The following TENM3 variants were observed in gnomAD, a reference collection of about 807,000 sequenced individuals.
TENM3 encodes teneurin-3.
In TENM3, 63 loss-of-function variants were observed where a neutral mutation model predicts 255.1. The ratio of observed to expected loss-of-function variants is 0.25; its 90% confidence interval spans 0.20 to 0.30. The LOEUF (loss-of-function observed/expected upper bound fraction) is 0.30, where lower values mean the gene tolerates loss of function less well. Among genes scored for constraint, TENM3 ranks in the 10% least tolerant of loss-of-function variants. The pLI, the probability that TENM3 is intolerant of heterozygous loss-of-function variation, is 1.00. For synonymous variants in TENM3, 1,306 were observed against 1,322.3 expected, an observed-to-expected ratio of 0.99 and a Z score of 0.27; for missense variants, 2,929 against 3,461.1, an observed-to-expected ratio of 0.85 and a Z score of 3.86.
chr4:182,763,942 C>T (rs1268059230), intron 22 of TENM3, among the ~76,000 whole-genome samples: 1 of 152,208 alleles, frequency 6.6e-6, no homozygotes, highest in African/African-American at 2.4e-5. Flanking sequence ...TCACCCCTTA[C>T]TAATTTAATA....
chr4:182,631,352 T>C (rs1751350793), intron 5 of TENM3: 1 of 152,236 alleles, frequency 6.6e-6, no homozygotes, highest in African/African-American at 2.4e-5. Flanking sequence ...CATACTTTTA[T>C]CACTTTAATT....
chr4:182,375,045 C>A (rs1311353315), intron 3 of TENM3, among the ~76,000 whole-genome samples: 4 of 152,048 alleles, frequency 2.6e-5, no homozygotes, highest in Non-Finnish European at 5.9e-5. Flanking sequence ...CCCTCTTAGC[C>A]ACTCTTTGCA....
At chr4:182,704,357 T>G (rs1758111129) in intron 12 of TENM3, among the ~76,000 whole-genome samples, 1 of 152,212 alleles carries the variant, frequency 6.6e-6, no homozygotes, top group Non-Finnish European at 1.5e-5. Flanking sequence ...CCACTGTTAC[T>G]TCCATTATGT....
the TENM3 span, among the ~76,000 whole-genome samples, chr4:181,569,747 G>T: frequency 6.6e-6 from 1 of 152,120 alleles, no homozygotes; most frequent in Non-Finnish European, 1.5e-5. Flanking sequence ...TAGATGTCAG[G>T]AACAATAAGA....
At chr4:182,471,910 C>T (rs907973527) in intron 3 of TENM3, among the ~76,000 whole-genome samples, 4 of 152,090 alleles carry the variant, frequency 2.6e-5, no homozygotes, top group Non-Finnish European at 5.9e-5. Context: ...GGTGTCATTT[C>T]ATTTTAGTGA....
At chr4:182,609,211 G>C (rs1053903621) in intron 4 of TENM3, among the ~76,000 whole-genome samples, 4 of 152,106 alleles carry the variant, frequency 2.6e-5, no homozygotes, top group Non-Finnish European at 5.9e-5. Flanking sequence ...TACCCACCTG[G>C]GCCTCCCAAA....
chr4:182,501,424 A>G (rs78829539), intron 3 of TENM3, among the ~76,000 whole-genome samples: 6,128 of 151,702 alleles, frequency 0.04, 239 homozygotes, highest in East Asian at 0.1. Flanking sequence ...TCTTAGGTAT[A>G]TTAACAGTGT....
chr4:182,484,642 ATAAAT>A (rs1226579296), intron 3 of TENM3, among the ~76,000 whole-genome samples: 3 of 152,190 alleles, frequency 2.0e-5, no homozygotes, highest in East Asian at 3.8e-4. Context: ...TTAATATTAA[ATAAAT>A]TAATGATAAA....
intron 3 of TENM3, among the ~76,000 whole-genome samples, chr4:182,494,618 G>A (rs1735591521): frequency 6.6e-6 from 1 of 152,130 alleles, no homozygotes; most frequent in Non-Finnish European, 1.5e-5. Flanking sequence ...TTGGAATCAT[G>A]CAGAATTGAT....
the TENM3 span, among the ~76,000 whole-genome samples, chr4:182,066,155 C>T: frequency 6.6e-6 from 1 of 152,178 alleles, no homozygotes; most frequent in African/African-American, 2.4e-5. Context: ...CACACCAACA[C>T]TTTTTCCCCA....
intron 3 of TENM3, among the ~76,000 whole-genome samples, chr4:182,362,104 G>C (rs751342035): frequency 1.3e-5 from 2 of 152,154 alleles, no homozygotes; most frequent in African/African-American, 4.8e-5. Context: ...GTACCCGGCC[G>C]TTTGAGGTGT....
the TENM3 span, among the ~76,000 whole-genome samples, chr4:181,543,754 T>G: frequency 1.3e-5 from 2 of 152,342 alleles, no homozygotes; most frequent in South Asian, 4.1e-4. Context: ...TTTTAGTGTT[T>G]CGTATTAGGC....
intron 3 of TENM3, among the ~76,000 whole-genome samples, chr4:182,388,127 G>A (rs1266469257): frequency 6.6e-6 from 1 of 152,062 alleles, no homozygotes. Context: ...GGCATCTGGG[G>A]TTGCTCTTTC....
At chr4:181,953,784 C>T in the TENM3 span, among the ~76,000 whole-genome samples, 1 of 152,092 alleles carries the variant, frequency 6.6e-6, no homozygotes, top group African/African-American at 2.4e-5. Flanking sequence ...GTTTTATTGA[C>T]ATTCAGGTAT....
At chr4:181,493,296 TAA>T in the TENM3 span, among the ~76,000 whole-genome samples, 4,111 of 124,316 alleles carry the variant, frequency 0.033, 169 homozygotes, top group African/African-American at 0.11. Flanking sequence ...AACCAGTCTC[TAA>T]AAAAAAAAAA....
At chr4:182,762,605 T>G (rs906861143) in intron 22 of TENM3, among the ~76,000 whole-genome samples, 1 of 152,158 alleles carries the variant, frequency 6.6e-6, no homozygotes, top group African/African-American at 2.4e-5. Flanking sequence ...TGCCAGCAGC[T>G]CTCACTCCTG....
At chr4:181,549,842 T>C in the TENM3 span, among the ~76,000 whole-genome samples, 1 of 152,212 alleles carries the variant, frequency 6.6e-6, no homozygotes, top group Non-Finnish European at 1.5e-5. Flanking sequence ...ACAAGGAAGC[T>C]GGGTTAGATC....
At chr4:182,052,461 A>G in the TENM3 span, among the ~76,000 whole-genome samples, 1 of 152,116 alleles carries the variant, frequency 6.6e-6, no homozygotes, top group Admixed American at 6.5e-5. Flanking sequence ...ATTCAGAGGC[A>G]TTGTTTCTCA....
At chr4:181,866,495 T>C in the TENM3 span, among the ~76,000 whole-genome samples, 1 of 152,230 alleles carries the variant, frequency 6.6e-6, no homozygotes, top group African/African-American at 2.4e-5. Context: ...TTACAATTTA[T>C]AGCTTTTGAA....
Sources: allele counts gnomAD v4.1 joint callset (sites outside exome capture counted in the v4.1 genomes callset), GRCh38; gene constraint gnomAD v4.1.1; transcripts MANE v1.5; gene names NCBI Gene and HGNC (gene_info 2026-07-23, HGNC 2026-07-21).